LTBP1: variants seen among roughly 807,000 people sequenced by gnomAD.
The protein encoded by LTBP1 is latent-transforming growth factor beta-binding protein 1.
A neutral mutation model predicts 207.6 loss-of-function variants in LTBP1; 129 were observed. That is an observed-to-expected ratio of 0.62 (90% confidence interval 0.54 to 0.72). The LOEUF is 0.72. Ranked by LOEUF, LTBP1 falls within the 30% of genes least tolerant of loss-of-function variation. The pLI, the probability that LTBP1 is intolerant of heterozygous loss-of-function variation, is 0.00. For missense variants in LTBP1, 2,281 were observed against 2,217.2 expected (o/e 1.03, Z -0.58); for synonymous variants, 963 against 833.7 (o/e 1.16, Z -2.67).
chr2:33,188,486 A>G (rs2087461561), intron 6 of LTBP1, 91 bp from the exon 7 acceptor site: 1 of 1,024,810 alleles, frequency 9.8e-7, no homozygotes, highest in Non-Finnish European at 1.4e-6. Context: ...ACATGCATGC[A>G]TGTTTATAAA....
At chr2:33,022,445 T>C (rs1224711865) in intron 3 of LTBP1, among the ~76,000 whole-genome samples, 6 of 152,198 alleles carry the variant, frequency 3.9e-5, no homozygotes, top group African/African-American at 1.4e-4. Flanking sequence ...AGCTAATACT[T>C]AGTAAGGGCT....
intron 2 of LTBP1, among the ~76,000 whole-genome samples, chr2:32,972,118 T>G (rs1233836395): frequency 4.3e-5 from 3 of 69,144 alleles, no homozygotes; most frequent in Admixed American, 1.2e-4. Flanking sequence ...GAGTTTTTTG[T>G]TTTTTTTTTT....
chr2:33,126,090 C>T (rs1225624633), intron 4 of LTBP1, among the ~76,000 whole-genome samples: 1 of 151,996 alleles, frequency 6.6e-6, no homozygotes, highest in African/African-American at 2.4e-5. Context: ...GTGAGTGTCT[C>T]CTTAGACTGC....
At chr2:33,153,009 G>A (rs1572881354) in intron 5 of LTBP1, among the ~76,000 whole-genome samples, 1 of 152,158 alleles carries the variant, frequency 6.6e-6, no homozygotes, top group East Asian at 1.9e-4. Context: ...ATCCTTTGCA[G>A]CCCTAAAATT....
At chr2:32,991,088 G>A (rs1037814387) in intron 2 of LTBP1, among the ~76,000 whole-genome samples, 6 of 152,152 alleles carry the variant, frequency 3.9e-5, no homozygotes, top group Non-Finnish European at 8.8e-5. Context: ...GGAGAAGAAA[G>A]TGCCGATTTT....
chr2:33,009,485 G>A (rs753722918), intron 2 of LTBP1, among the ~76,000 whole-genome samples: 4 of 152,102 alleles, frequency 2.6e-5, no homozygotes, highest in Non-Finnish European at 5.9e-5. Flanking sequence ...TTATGAAAAG[G>A]GGATATTTCA....
At chr2:33,055,530 CCTTT>C (rs2076954648) in intron 3 of LTBP1, among the ~76,000 whole-genome samples, 1 of 152,146 alleles carries the variant, frequency 6.6e-6, no homozygotes, top group Admixed American at 6.5e-5. Flanking sequence ...GGAATTTGTC[CCTTT>C]CTTTGGCTGT....
At chr2:33,170,831 G>T (rs1433271087) in intron 5 of LTBP1, among the ~76,000 whole-genome samples, 1 of 152,008 alleles carries the variant, frequency 6.6e-6, no homozygotes, top group African/African-American at 2.4e-5. Flanking sequence ...GGAACGATCA[G>T]ACAGCAGCAT....
At chr2:33,026,274 A>C (rs899769778) in intron 3 of LTBP1, among the ~76,000 whole-genome samples, 2 of 151,542 alleles carry the variant, frequency 1.3e-5, no homozygotes, top group African/African-American at 4.9e-5. Context: ...AACCCCACCA[A>C]CTCTCTCCCA....
intron 9 of LTBP1, among the ~76,000 whole-genome samples, chr2:33,226,947 G>T (rs1202257869): frequency 6.6e-6 from 1 of 151,960 alleles, no homozygotes; most frequent in Non-Finnish European, 1.5e-5. Flanking sequence ...GTCTGATCAG[G>T]AATTTTTTTG....
chr2:33,186,259 A>G (rs1051092908), intron 5 of LTBP1, among the ~76,000 whole-genome samples: 4 of 152,302 alleles, frequency 2.6e-5, no homozygotes, highest in East Asian at 3.9e-4. Flanking sequence ...AATATATTTA[A>G]TTTTTAATTT....
chr2:33,364,369 G>A lies in LTBP1; in HGVS notation c.4540+13G>A. The A allele has an allele frequency of 1.2e-6, 2 of 1,608,226 alleles. No individual in the cohort carries two copies. The highest frequency in any genetic ancestry group is 1.7e-6 in the Non-Finnish European group (2 of 1,178,320). ...GCTGAGTCAAACGGTATGTTTCCAG[G>A]AGATGCAAACCTGTGTCCAAATAAC... On this transcript the variant is annotated intron_variant, in intron 30 of 33. Coordinates refer to ENST00000404816, the MANE Select transcript of LTBP1 (RefSeq NM_206943.4).
At chr2:32,965,469 C>T (rs867796420) in intron 2 of LTBP1, among the ~76,000 whole-genome samples, 3 of 152,150 alleles carry the variant, frequency 2.0e-5, no homozygotes, top group Non-Finnish European at 4.4e-5. Context: ...TCCTCTGTGC[C>T]CTGCCTACTC....
intron 3 of LTBP1, among the ~76,000 whole-genome samples, chr2:33,057,968 C>T (rs2149588233): frequency 6.6e-6 from 1 of 152,404 alleles, no homozygotes; most frequent in South Asian, 2.1e-4. Context: ...GCTGCGAGGG[C>T]TGCCAGCACG....
chr2:33,249,134 T>G (rs1277792044), intron 10 of LTBP1, among the ~76,000 whole-genome samples: 1 of 152,198 alleles, frequency 6.6e-6, no homozygotes, highest in African/African-American at 2.4e-5. Context: ...GCTAGACTTT[T>G]AAACCCTTGC....
chr2:33,352,738 A>C (rs183227319), intron 26 of LTBP1, among the ~76,000 whole-genome samples: 1 of 152,124 alleles, frequency 6.6e-6, no homozygotes, highest in African/African-American at 2.4e-5. Flanking sequence ...CAGTCTTTCA[A>C]CTGCTTACCA....
intron 2 of LTBP1, among the ~76,000 whole-genome samples, chr2:33,012,757 T>C (rs536479587): frequency 1.3e-5 from 2 of 152,324 alleles, no homozygotes; most frequent in African/African-American, 4.8e-5. Flanking sequence ...ATTGTCTTCC[T>C]TTGAATGAAC....
chr2:33,227,121 C>T (rs779257006), intron 9 of LTBP1, among the ~76,000 whole-genome samples: 1 of 151,808 alleles, frequency 6.6e-6, no homozygotes, highest in Non-Finnish European at 1.5e-5. Context: ...CTGCAACCTC[C>T]GCTTCCTGGG....
chr2:33,091,949 C>G (rs2079118829), intron 3 of LTBP1, among the ~76,000 whole-genome samples: 1 of 152,210 alleles, frequency 6.6e-6, no homozygotes, highest in Non-Finnish European at 1.5e-5. Flanking sequence ...ACATTACCCC[C>G]AGCTCAAGAG....
Sources: allele counts gnomAD v4.1 joint callset (sites outside exome capture counted in the v4.1 genomes callset), GRCh38; gene constraint gnomAD v4.1.1; transcripts MANE v1.5; gene names NCBI Gene and HGNC (gene_info 2026-07-23, HGNC 2026-07-21).